Variants in PDILT observed in about 807,000 individuals in gnomAD.
PDILT encodes protein disulfide-isomerase-like protein of the testis.
PDILT carries 43 observed loss-of-function variants against 53.7 expected under a neutral mutation model. That is an observed-to-expected ratio of 0.80 (90% CI 0.63 to 1.03). The LOEUF (loss-of-function observed/expected upper bound fraction) is 1.03, where lower values mean the gene tolerates loss of function less well. PDILT is among the 50% of genes least tolerant of loss of function. The pLI is 0.00. For missense variants in PDILT, 727 were observed against 712.3 expected, an observed-to-expected ratio of 1.02 and a Z score of -0.24; for synonymous variants, 282 against 274.2, an observed-to-expected ratio of 1.03 and a Z score of -0.28.
intron 2 of PDILT, among the ~76,000 whole-genome samples, chr16:20,392,763 G>T (rs1445701889): frequency 6.6e-6 from 1 of 152,202 alleles, no homozygotes; most frequent in East Asian, 1.9e-4. Flanking sequence ...AAGTATGCAT[G>T]TTGGTTGTGT....
At chr16:20,372,968 G>C (rs774340747) in intron 6 of PDILT, 41 bp from the exon 7 acceptor site, 1 of 1,613,580 alleles carries the variant, frequency 6.2e-7, no homozygotes. Flanking sequence ...AGCACACACA[G>C]TGGCCCCAGC....
At chr16:20,377,968 A>AAAAG (rs1225680793) in intron 3 of PDILT, among the ~76,000 whole-genome samples, 3 of 152,152 alleles carry the variant, frequency 2.0e-5, no homozygotes, top group Admixed American at 6.5e-5. Context: ...AAGAAAAAAA[A>AAAAG]AAAGAAAGAA....
intron 10 of PDILT, among the ~76,000 whole-genome samples, chr16:20,361,082 GTTA>G (rs934344508): frequency 6.6e-6 from 1 of 151,744 alleles, no homozygotes; most frequent in Non-Finnish European, 1.5e-5. Flanking sequence ...ATAGGCGTTT[GTTA>G]TTATTATTAT....
At chr16:20,403,911 G>C (rs1188036381) in intron 1 of PDILT, among the ~76,000 whole-genome samples, 1 of 152,002 alleles carries the variant, frequency 6.6e-6, no homozygotes, top group Non-Finnish European at 1.5e-5. Context: ...CTGGTTCTCT[G>C]GGTCCTAGCT....
At chr16:20,382,660 A>G (rs1241947264) in intron 3 of PDILT, among the ~76,000 whole-genome samples, 1 of 152,240 alleles carries the variant, frequency 6.6e-6, no homozygotes, top group Non-Finnish European at 1.5e-5. Flanking sequence ...CAATGCCTGG[A>G]ACACAGTATA....
intron 7 of PDILT, among the ~76,000 whole-genome samples, chr16:20,370,397 G>A (rs1352965562): frequency 2.0e-5 from 3 of 152,170 alleles, no homozygotes; most frequent in African/African-American, 7.2e-5. Flanking sequence ...GGGTAAGGTA[G>A]GGGCTCAGGA....
chr16:20,367,040 TTTCTTTCTTTCTTTCTTTCTTTCTTTC>T (rs2141705460), intron 8 of PDILT, among the ~76,000 whole-genome samples: 1 of 30,738 alleles, frequency 3.3e-5, no homozygotes, highest in East Asian at 3.8e-4. Context: ...TCTTTCTTTC[TTTCTTTCTTTCTTTCTTTCTTTCTTTC>T]TTTCTTTCTT....
chr16:20,390,764 A>T (rs1966598093), intron 2 of PDILT: 4 of 152,320 alleles, frequency 2.6e-5, no homozygotes, highest in Non-Finnish European at 2.9e-5. Context: ...ATTTAGCACC[A>T]GTTTTGGTGT....
In PDILT at chr16:20,395,338, A is replaced by AT. The variant is rs535089268; in HGVS notation, c.202+3760dup. On this transcript the variant is annotated intron_variant, in intron 2 of 11. Coordinates refer to ENST00000302451, the MANE Select transcript of PDILT (RefSeq NM_174924.2). ...TTGGGTGCAGCTCTGGGAAAGTTTG[A>AT]TTTTTTTAAAGGGACATAGGTGGCT... 3.6e-3 allele frequency among the ~76,000 whole-genome samples: 547 copies of AT among 152,268 alleles called. 4 individuals are homozygous for AT. The highest frequency in any genetic ancestry group is 0.013 in the African/African-American group (529 of 41,556).
Position 20,365,405 on chromosome 16 carries a change from C to G in PDILT, c.1237+15G>C. On this transcript the variant is annotated intron_variant, in intron 9 of 11. Coordinates refer to ENST00000302451, the MANE Select transcript of PDILT (RefSeq NM_174924.2). Reference sequence around the variant, plus strand: ...TGGCACCCGTTGCCTCAGAACCCCTCTTGGAGATACTTACAGAACATCACA... The same window carrying G: ...TGGCACCCGTTGCCTCAGAACCCCTGTTGGAGATACTTACAGAACATCACA... 6.2e-7 allele frequency: 1 copy of G among 1,613,410 alleles called. No homozygotes were observed. Among genetic ancestry groups the G allele is most frequent in the Non-Finnish European group, 8.5e-7 (1 of 1,179,428 alleles).
intron 9 of PDILT, 36 bp downstream of exon 9, chr16:20,365,384 A>G (rs1966174080): frequency 5.6e-6 from 9 of 1,608,490 alleles, no homozygotes; most frequent in Non-Finnish European, 5.1e-6. Context: ...TAATTTTGGC[A>G]CCCGTTGCCT....
chr16:20,380,443 TTC>T lies in PDILT; in HGVS notation c.409+4200_409+4201del, dbSNP rs747711647. On this transcript the variant is annotated intron_variant, in intron 3 of 11. Coordinates refer to ENST00000302451, the MANE Select transcript of PDILT (RefSeq NM_174924.2). ...ACCTCTGCCTCCTGGGTTCAAGCAA[TTC>T]TCTGTCTCAGCCTCCGGAGTAGCTG... 3.9e-5 allele frequency among the ~76,000 whole-genome samples: 6 copies of T among 152,142 alleles called. No homozygotes were observed. The South Asian group carries it at 1.2e-3, about 32-fold the overall frequency.
intron 2 of PDILT, among the ~76,000 whole-genome samples, chr16:20,395,859 C>T (rs1966655538): frequency 6.6e-6 from 1 of 152,234 alleles, no homozygotes; most frequent in Non-Finnish European, 1.5e-5. Flanking sequence ...CCAGCTCCCC[C>T]TTCACCTTCC....
At chr16:20,382,681 ATG>A (rs1285385756) in intron 3 of PDILT, among the ~76,000 whole-genome samples, 1 of 152,212 alleles carries the variant, frequency 6.6e-6, no homozygotes, top group African/African-American at 2.4e-5. Context: ...TGCTACAGGT[ATG>A]TGTCAGGCCG....
chr16:20,375,998 A>C (rs1966380163), intron 4 of PDILT, 70 bp downstream of exon 4: 2 of 1,577,876 alleles, frequency 1.3e-6, no homozygotes, highest in Non-Finnish European at 1.7e-6. Context: ...GAGTCTCCTC[A>C]CACCACCCCC....
intron 10 of PDILT, among the ~76,000 whole-genome samples, chr16:20,362,048 C>G (rs1008998040): frequency 6.6e-6 from 1 of 152,310 alleles, no homozygotes; most frequent in Admixed American, 6.5e-5. Context: ...TACCCCACAT[C>G]CAATATTCTC....
intron 3 of PDILT, among the ~76,000 whole-genome samples, chr16:20,378,028 T>C (rs971235200): frequency 6.6e-6 from 1 of 151,660 alleles, no homozygotes; most frequent in Middle Eastern, 3.4e-3. Flanking sequence ...AGAGGGAAAG[T>C]CTTCTAGGAG....
At chr16:20,364,704 A>G (rs937332168) in intron 9 of PDILT, among the ~76,000 whole-genome samples, 3 of 152,210 alleles carry the variant, frequency 2.0e-5, no homozygotes, top group African/African-American at 7.2e-5. Context: ...CAAATCAGAA[A>G]CAATGGGAAA....
Position 20,359,296 on chromosome 16 carries a change from C to CT in PDILT, c.*22dup, listed in dbSNP as rs770563345. ...ATGCCAGGATCTGGAAAATAAGCAT[C>CT]TTTTTTCCTGGTATTGGAGAAGCTA... is the stretch of plus-strand genomic sequence containing the variant. On this transcript the variant is annotated 3_prime_UTR_variant, in exon 12 of 12. Transcript: ENST00000302451. 4 of 1,602,252 alleles carry CT rather than the reference C, an allele frequency of 2.5e-6. No individual in the cohort carries two copies. The highest frequency in any genetic ancestry group is 1.7e-5 in the Admixed American group (1 of 58,524).
Sources: gnomAD v4.1 joint callset for allele counts (sites outside exome capture counted in the v4.1 genomes callset) on GRCh38, gnomAD v4.1.1 for gene constraint, MANE v1.5 for transcripts, NCBI Gene and HGNC (gene_info 2026-07-23, HGNC 2026-07-21) for gene names.